P3H2: variants seen among roughly 807,000 people sequenced by gnomAD.
The protein encoded by P3H2 is leprecan-like 1.
P3H2 carries 80 observed loss-of-function variants against 87.0 expected under a neutral mutation model. The observed-to-expected ratio is 0.92, with a 90% confidence interval of 0.77 to 1.11. The LOEUF is 1.11. Ranked by LOEUF, P3H2 falls within the 50% of genes least tolerant of loss-of-function variation. The probability of loss-of-function intolerance (pLI) is 0.00; values close to 1 mark genes in which losing one functional copy is unlikely to be tolerated. For missense variants in P3H2, 1,001 were observed against 923.9 expected (o/e 1.08, Z -1.08); for synonymous variants, 367 against 359.3 (o/e 1.02, Z -0.24).
chr3:189,965,995 A>T (rs1244992854), intron 13 of P3H2, among the ~76,000 whole-genome samples: 1 of 150,606 alleles, frequency 6.6e-6, no homozygotes, highest in Admixed American at 6.6e-5. Flanking sequence ...AAGAAAGAAA[A>T]GAAAGAAGAG....
At chr3:190,002,518 A>T (rs1285639426) in intron 1 of P3H2, among the ~76,000 whole-genome samples, 1 of 151,192 alleles carries the variant, frequency 6.6e-6, no homozygotes, top group Non-Finnish European at 1.5e-5. Flanking sequence ...CTCCTGCCTC[A>T]GCCTCCCAAG....
chr3:190,010,326 C>T (rs995893486), intron 1 of P3H2, among the ~76,000 whole-genome samples: 5 of 152,036 alleles, frequency 3.3e-5, no homozygotes, highest in Admixed American at 6.6e-5. Flanking sequence ...TGTATTACCA[C>T]GTGTTTTGCG....
chr3:190,114,550 A>G (rs1712215966), intron 1 of P3H2, among the ~76,000 whole-genome samples: 1 of 152,170 alleles, frequency 6.6e-6, no homozygotes, highest in Non-Finnish European at 1.5e-5. Flanking sequence ...ATGACTGGTA[A>G]GGAGCTGACC....
At chr3:190,116,574 T>C (rs1160299584) in intron 1 of P3H2, 1 of 152,292 alleles carries the variant, frequency 6.6e-6, no homozygotes, top group Non-Finnish European at 1.5e-5. Context: ...AAGCACTCAT[T>C]GTTACCTTTG....
intron 14 of P3H2, among the ~76,000 whole-genome samples, chr3:189,958,699 CTTTTTTTTTTTTT>C (rs71175319): frequency 3.3e-5 from 4 of 120,204 alleles, no homozygotes; most frequent in Non-Finnish European, 5.0e-5. Context: ...ATTGCTCCCT[CTTTTTTTTTTTTT>C]TTTTTTTTGA....
intron 1 of P3H2, among the ~76,000 whole-genome samples, chr3:190,091,943 T>C (rs6444421): frequency 0.05 from 7,576 of 152,214 alleles, 596 homozygotes; most frequent in African/African-American, 0.17. Flanking sequence ...CATGTAAAAA[T>C]GTTTTCCAGC....
At chr3:190,058,415 C>T (rs191989488) in intron 1 of P3H2, among the ~76,000 whole-genome samples, 1 of 152,196 alleles carries the variant, frequency 6.6e-6, no homozygotes, top group East Asian at 1.9e-4. Flanking sequence ...AAGGCGAAAA[C>T]TACGGAAGCC....
At chr3:189,961,557 C>G (rs1324747572) in intron 14 of P3H2, among the ~76,000 whole-genome samples, 1 of 152,088 alleles carries the variant, frequency 6.6e-6, no homozygotes, top group Non-Finnish European at 1.5e-5. Context: ...AACTCCCAAA[C>G]TCTGCTGCTG....
chr3:190,107,079 A>G (rs1711870299), intron 1 of P3H2, among the ~76,000 whole-genome samples: 1 of 150,074 alleles, frequency 6.7e-6, no homozygotes, highest in Non-Finnish European at 1.5e-5. Context: ...AGGTTTCTTC[A>G]AAATCTGTTT....
In P3H2 at chr3:189,957,873, A is replaced by T; in HGVS notation, c.*39T>A. On this transcript the variant is annotated 3_prime_UTR_variant, in exon 15 of 15. Transcript: ENST00000319332. ...ATAAAAAGGTTCTCATAAGATTAAC[A>T]ATTTAAATAAATATTTGATAGAACA... The T allele has an allele frequency of 7.3e-7, 1 of 1,379,284 alleles. No homozygotes were observed. Among genetic ancestry groups the T allele is most frequent in the Non-Finnish European group, 1.0e-6 (1 of 967,378 alleles). 85.4% of individuals were successfully genotyped at this position (1,379,284 alleles called of 1,614,324 possible).
At chr3:189,964,490 T>TAACA (rs954257893) in intron 13 of P3H2, among the ~76,000 whole-genome samples, 4 of 152,234 alleles carry the variant, frequency 2.6e-5, no homozygotes, top group Non-Finnish European at 2.9e-5. Flanking sequence ...CTTGTGTAAT[T>TAACA]AACAAACAAA....
intron 1 of P3H2, among the ~76,000 whole-genome samples, chr3:190,117,614 A>G (rs1043091336): frequency 1.3e-5 from 2 of 151,058 alleles, no homozygotes; most frequent in Non-Finnish European, 2.9e-5. Flanking sequence ...GACCTGTCAG[A>G]GCTCCAGGAT....
At chr3:189,974,440 C>A in intron 9 of P3H2, 118 bp downstream of exon 9, 1 of 1,342,134 alleles carries the variant, frequency 7.5e-7, no homozygotes, top group Non-Finnish European at 1.0e-6. Flanking sequence ...TGTCTTTCTC[C>A]TCAAGAAAGC....
At chr3:190,107,264 C>T (rs559416281) in intron 1 of P3H2, among the ~76,000 whole-genome samples, 1 of 152,136 alleles carries the variant, frequency 6.6e-6, no homozygotes, top group Non-Finnish European at 1.5e-5. Flanking sequence ...GATGGATATA[C>T]ATTTATACCT....
chr3:190,066,475 G>A (rs1242341472), intron 1 of P3H2, among the ~76,000 whole-genome samples: 2 of 151,920 alleles, frequency 1.3e-5, no homozygotes, highest in African/African-American at 4.8e-5. Flanking sequence ...ATAAACTTCA[G>A]GGACTCAGGG....
intron 2 of P3H2, among the ~76,000 whole-genome samples, chr3:189,994,950 T>C (rs1724003223): frequency 6.6e-6 from 1 of 152,008 alleles, no homozygotes; most frequent in South Asian, 2.1e-4. Flanking sequence ...AATAAGAGTA[T>C]CAGAAAGGTT....
intron 14 of P3H2, chr3:189,963,633 G>A: frequency 3.5e-6 from 1 of 288,274 alleles, no homozygotes; most frequent in South Asian, 4.2e-5. Flanking sequence ...TAGTAGAGAT[G>A]GGGTTTCAGC....
At chr3:190,108,972 G>A (rs971555971) in intron 1 of P3H2, among the ~76,000 whole-genome samples, 3 of 152,128 alleles carry the variant, frequency 2.0e-5, no homozygotes, top group Admixed American at 1.3e-4. Flanking sequence ...TGCTGTTCTG[G>A]GCTTCAGCAA....
intron 13 of P3H2, among the ~76,000 whole-genome samples, chr3:189,968,392 G>A (rs2108906004): frequency 6.6e-6 from 1 of 152,246 alleles, no homozygotes; most frequent in Non-Finnish European, 1.5e-5. Flanking sequence ...ATGGTTTCCA[G>A]CTTCATCCAT....
Sources: allele counts gnomAD v4.1 joint callset (sites outside exome capture counted in the v4.1 genomes callset), GRCh38; gene constraint gnomAD v4.1.1; transcripts MANE v1.5; gene names NCBI Gene and HGNC (gene_info 2026-07-23, HGNC 2026-07-21).